TBCK: variants seen among roughly 807,000 people sequenced by gnomAD.
TBCK encodes TBC1 domain containing kinase.
A neutral mutation model predicts 113.4 loss-of-function variants in TBCK; 99 were observed. The ratio of observed to expected loss-of-function variants is 0.87; its 90% CI spans 0.74 to 1.03. TBCK has a LOEUF of 1.03. Among genes scored for constraint, TBCK ranks in the 50% least tolerant of loss-of-function variants. The pLI is 0.00. For synonymous variants in TBCK, 369 were observed against 370.8 expected (o/e 1.00, Z 0.05); for missense variants, 1,045 against 1,061.3 (o/e 0.98, Z 0.21).
intron 1 of TBCK, 29 bp from the exon 2 acceptor site, chr4:106,309,018 C>T: frequency 2.0e-6 from 3 of 1,474,634 alleles, no homozygotes; most frequent in Non-Finnish European, 2.7e-6. Flanking sequence ...TTAGGACAGA[C>T]CAAACATTAA....
intron 25 of TBCK, among the ~76,000 whole-genome samples, chr4:106,084,271 A>C (rs1463408039): frequency 6.6e-6 from 1 of 152,246 alleles, no homozygotes; most frequent in East Asian, 1.9e-4. Flanking sequence ...AAAACACAGC[A>C]TGAGAACTTT....
chr4:106,291,606 C>A (rs551059498), intron 3 of TBCK, among the ~76,000 whole-genome samples: 1 of 152,156 alleles, frequency 6.6e-6, no homozygotes, highest in Non-Finnish European at 1.5e-5. Context: ...AACATGAACA[C>A]GAAGAACTGA....
intron 20 of TBCK, among the ~76,000 whole-genome samples, chr4:106,208,408 C>G (rs1755770919): frequency 1.5e-5 from 2 of 137,484 alleles, no homozygotes; most frequent in Admixed American, 7.3e-5. Context: ...TTGAGTGGTG[C>G]CTTTTTTTTT....
chr4:106,129,054 T>C (rs1745557658), intron 23 of TBCK, among the ~76,000 whole-genome samples: 1 of 152,232 alleles, frequency 6.6e-6, no homozygotes, highest in South Asian at 2.1e-4. Flanking sequence ...ATTTAGAATA[T>C]AGTACTGGGA....
chr4:106,226,542 T>C (rs1007541383), intron 19 of TBCK, among the ~76,000 whole-genome samples: 1 of 152,214 alleles, frequency 6.6e-6, no homozygotes, highest in South Asian at 2.1e-4. Context: ...TGGGCTTTTA[T>C]ATTTGGAAAG....
chr4:106,306,228 C>A (rs562098468), intron 2 of TBCK, among the ~76,000 whole-genome samples: 1 of 149,758 alleles, frequency 6.7e-6, no homozygotes, highest in South Asian at 2.1e-4. Flanking sequence ...AGACACCATG[C>A]CTGGCTAATT....
At chr4:106,159,001 T>A (rs533625286) in intron 23 of TBCK, among the ~76,000 whole-genome samples, 55 of 149,104 alleles carry the variant, frequency 3.7e-4, no homozygotes, top group African/African-American at 1.4e-3. Flanking sequence ...GGAAAATCAA[T>A]CCATATGATA....
chr4:106,188,037 A>G (rs945525434), intron 22 of TBCK, among the ~76,000 whole-genome samples: 1 of 152,082 alleles, frequency 6.6e-6, no homozygotes, highest in African/African-American at 2.4e-5. Flanking sequence ...GGATGCCTTT[A>G]ATTTCTTTAT....
At position 106,052,210 on chromosome 4, in the gene TBCK, A is replaced by G. The variant is rs182696575; in HGVS notation, c.2572-5530T>C. Among the ~76,000 whole-genome samples, 129 of 151,962 alleles carry G rather than the reference A, an allele frequency of 8.5e-4. 3 individuals carry two copies. The highest frequency in any genetic ancestry group is 8.3e-3 in the South Asian group (40 of 4,822). ...ATTTTCTAATTTCACTCACAGAAAT[A>G]AAACCAGCAGCAGAGCAAAGCCAAG... On this transcript the variant is annotated intron_variant, in intron 25 of 25. Transcript: ENST00000394708.
At chr4:106,093,627 G>C (rs1287122436) in intron 25 of TBCK, among the ~76,000 whole-genome samples, 2 of 152,144 alleles carry the variant, frequency 1.3e-5, no homozygotes, top group African/African-American at 4.8e-5. Context: ...GACTTTTACA[G>C]TTTTAAATTT....
At chr4:106,077,124 G>A (rs35518913) in intron 25 of TBCK, among the ~76,000 whole-genome samples, 19,513 of 151,934 alleles carry the variant, frequency 0.13, 1,573 homozygotes, top group South Asian at 0.24. Flanking sequence ...AAAAAGCTAC[G>A]GGAATCTGAT....
intron 20 of TBCK, among the ~76,000 whole-genome samples, chr4:106,206,383 G>A (rs72891651): frequency 0.045 from 6,881 of 152,158 alleles, 517 homozygotes; most frequent in African/African-American, 0.16. Flanking sequence ...TAAAATCTGG[G>A]CACTTTCTGA....
intron 23 of TBCK, among the ~76,000 whole-genome samples, 180 bp downstream of exon 23, chr4:106,170,915 T>C (rs1750911993): frequency 1.3e-5 from 2 of 152,144 alleles, no homozygotes; most frequent in Non-Finnish European, 2.9e-5. Flanking sequence ...TTCCTAACTC[T>C]ATAACCAAAT....
intron 23 of TBCK, among the ~76,000 whole-genome samples, chr4:106,122,423 C>G (rs1578968134): frequency 6.6e-6 from 1 of 152,148 alleles, no homozygotes; most frequent in Admixed American, 6.5e-5. Flanking sequence ...CAGATGGATT[C>G]ACAGTTGAAT....
chr4:106,046,565 G>A lies in TBCK; in HGVS notation c.*5C>T. On this transcript the variant is annotated 3_prime_UTR_variant, in exon 26 of 26. Transcript: ENST00000394708. The stretch of plus-strand genomic sequence containing the variant: ...CTAAGTTTTGGCAGTCACACTCTTG[G>A]TTCTTCATATTTGAGGAGATGGGAT... 6.4e-7 allele frequency: 1 copy of A among 1,551,666 alleles called. No homozygotes were observed. Among genetic ancestry groups the A allele is most frequent in the South Asian group, 1.1e-5 (1 of 89,500 alleles).
intron 22 of TBCK, chr4:106,182,566 T>A (rs1159480240): frequency 6.6e-6 from 1 of 152,008 alleles, no homozygotes; most frequent in Non-Finnish European, 1.5e-5. Context: ...TTATTGAGAG[T>A]TTTTAGCATG....
chr4:106,225,126 T>A (rs1185694685), intron 19 of TBCK, among the ~76,000 whole-genome samples: 1 of 152,222 alleles, frequency 6.6e-6, no homozygotes, highest in Non-Finnish European at 1.5e-5. Context: ...TCAGCACAGT[T>A]ATATACTGAA....
At chr4:106,130,587 A>AACAC (rs1327268109) in intron 23 of TBCK, among the ~76,000 whole-genome samples, 1 of 92,210 alleles carries the variant, frequency 1.1e-5, no homozygotes, top group Non-Finnish European at 2.1e-5. Context: ...TTTTGCGCTA[A>AACAC]ATACACACAC....
chr4:106,253,385 TTTA>T (rs1379820797), intron 5 of TBCK, among the ~76,000 whole-genome samples: 1 of 152,166 alleles, frequency 6.6e-6, no homozygotes, highest in African/African-American at 2.4e-5. Flanking sequence ...TTTCCTGCTT[TTTA>T]TTATTAACAT....
Sources: allele counts gnomAD v4.1 joint callset (sites outside exome capture counted in the v4.1 genomes callset), GRCh38; gene constraint gnomAD v4.1.1; transcripts MANE v1.5; gene names NCBI Gene and HGNC (gene_info 2026-07-23, HGNC 2026-07-21).